Variants in RPS6KC1 observed in about 807,000 individuals in gnomAD.
The protein encoded by RPS6KC1 is inactive ribosomal protein S6 kinase delta-1.
In RPS6KC1, 54 loss-of-function variants were observed where a neutral mutation model predicts 103.8. That is an observed-to-expected ratio of 0.52 (90% CI 0.42 to 0.65). The LOEUF is 0.65. RPS6KC1 is among the 30% of genes least tolerant of loss of function. RPS6KC1 has a pLI of 0.00. For missense variants in RPS6KC1, 1,151 were observed against 1,253.8 expected (o/e 0.92, Z 1.24); for synonymous variants, 439 against 438.7 (o/e 1.00, Z -0.01).
chr1:213,628,487 T>G, the RPS6KC1 span, among the ~76,000 whole-genome samples: 1 of 152,172 alleles, frequency 6.6e-6, no homozygotes, highest in Admixed American at 6.6e-5. Flanking sequence ...TCTTTCTTTT[T>G]AAATTATACT....
the RPS6KC1 span, among the ~76,000 whole-genome samples, chr1:213,586,243 T>A: frequency 6.6e-6 from 1 of 152,218 alleles, no homozygotes; most frequent in Non-Finnish European, 1.5e-5. Context: ...CCGGGATGAC[T>A]GATGTCTTTT....
intron 8 of RPS6KC1, among the ~76,000 whole-genome samples, chr1:213,220,331 C>A (rs1477008298): frequency 6.6e-6 from 1 of 151,990 alleles, no homozygotes; most frequent in Non-Finnish European, 1.5e-5. Context: ...CATCTGTTGC[C>A]ATTTTATGTT....
the RPS6KC1 span, among the ~76,000 whole-genome samples, chr1:213,669,829 A>G: frequency 2.6e-5 from 4 of 152,148 alleles, no homozygotes; most frequent in African/African-American, 7.2e-5. Context: ...CCAGAATTCA[A>G]TTCTTCTAAC....
chr1:213,082,150 G>T (rs1397441462), intron 3 of RPS6KC1, among the ~76,000 whole-genome samples: 8 of 152,140 alleles, frequency 5.3e-5, no homozygotes, highest in Non-Finnish European at 1.2e-4. Context: ...GCCCGGCACG[G>T]TGGCTCATGC....
chr1:213,263,425 C>G (rs1243438131), intron 14 of RPS6KC1, among the ~76,000 whole-genome samples: 1 of 152,150 alleles, frequency 6.6e-6, no homozygotes, highest in Non-Finnish European at 1.5e-5. Context: ...AATTACTCTT[C>G]TAGTTTCGTG....
chr1:213,186,875 T>C (rs1013365352), intron 8 of RPS6KC1, among the ~76,000 whole-genome samples: 2 of 152,210 alleles, frequency 1.3e-5, no homozygotes, highest in African/African-American at 4.8e-5. Flanking sequence ...GTTCTTCAGT[T>C]CAGCAAATGT....
the RPS6KC1 span, among the ~76,000 whole-genome samples, chr1:213,617,860 C>T: frequency 2.6e-5 from 4 of 152,192 alleles, no homozygotes; most frequent in Non-Finnish European, 4.4e-5. Context: ...ATTGCTCTAG[C>T]TCTATGTCTC....
chr1:213,717,749 A>G, the RPS6KC1 span, among the ~76,000 whole-genome samples: 2 of 152,242 alleles, frequency 1.3e-5, no homozygotes, highest in Non-Finnish European at 2.9e-5. Context: ...CAAGCACTCA[A>G]TAAATATTTA....
chr1:213,092,555 C>T (rs1198938196), intron 3 of RPS6KC1, among the ~76,000 whole-genome samples: 1 of 151,914 alleles, frequency 6.6e-6, no homozygotes, highest in Non-Finnish European at 1.5e-5. Context: ...ACCTGAAGTC[C>T]CAGCTACTCA....
chr1:213,860,968 C>G, the RPS6KC1 span, among the ~76,000 whole-genome samples: 1 of 151,936 alleles, frequency 6.6e-6, no homozygotes, highest in South Asian at 2.1e-4. Context: ...ACCAACATAC[C>G]CTGCTAATTT....
At chr1:213,324,593 C>CATTTTT in the RPS6KC1 span, among the ~76,000 whole-genome samples, 1 of 81,822 alleles carries the variant, frequency 1.2e-5, no homozygotes, top group African/African-American at 4.0e-5. Context: ...GCTCGATATG[C>CATTTTT]TTTTTTTTTT....
the RPS6KC1 span, among the ~76,000 whole-genome samples, chr1:213,724,082 C>A: frequency 1.3e-5 from 2 of 152,050 alleles, no homozygotes; most frequent in Non-Finnish European, 2.9e-5. Context: ...CTGTGGATTT[C>A]TTTTTCATTT....
the RPS6KC1 span, among the ~76,000 whole-genome samples, chr1:213,478,617 G>A: frequency 2.6e-5 from 4 of 152,090 alleles, no homozygotes; most frequent in Non-Finnish European, 4.4e-5. Context: ...TATGTATGAT[G>A]CTAAGCATCT....
the RPS6KC1 span, among the ~76,000 whole-genome samples, chr1:213,550,132 G>A: frequency 6.6e-6 from 1 of 152,154 alleles, no homozygotes; most frequent in African/African-American, 2.4e-5. Flanking sequence ...TAGGACCTAT[G>A]GCACCAAAGC....
chr1:213,549,219 A>AGGCAGGGACCCCTCAAGCAATGGATC, the RPS6KC1 span, among the ~76,000 whole-genome samples: 1 of 152,144 alleles, frequency 6.6e-6, no homozygotes. Flanking sequence ...GGGGTGCAGA[A>AGGCAGGGACCCCTCAAGCAATGGATC]GGCAGGGACC....
At chr1:213,580,099 G>A in the RPS6KC1 span, among the ~76,000 whole-genome samples, 7 of 152,066 alleles carry the variant, frequency 4.6e-5, 1 homozygote, top group African/African-American at 1.7e-4. Flanking sequence ...ATGGCTCTGG[G>A]CAAAATAAAT....
intron 3 of RPS6KC1, among the ~76,000 whole-genome samples, chr1:213,085,748 G>C (rs1384921330): frequency 6.6e-6 from 1 of 151,880 alleles, no homozygotes; most frequent in Non-Finnish European, 1.5e-5. Context: ...TTGTATCCAT[G>C]AATCTGTCCA....
chr1:213,804,018 A>G, the RPS6KC1 span, among the ~76,000 whole-genome samples: 1 of 151,706 alleles, frequency 6.6e-6, no homozygotes, highest in African/African-American at 2.4e-5. Flanking sequence ...GTAAATGACA[A>G]GTTAATGGGT....
intron 3 of RPS6KC1, among the ~76,000 whole-genome samples, chr1:213,100,582 T>C (rs1278615967): frequency 6.6e-6 from 1 of 152,152 alleles, no homozygotes; most frequent in African/African-American, 2.4e-5. Context: ...GTTATCTCCT[T>C]CTTTCCATCC....
Sources: allele counts gnomAD v4.1 joint callset (sites outside exome capture counted in the v4.1 genomes callset), GRCh38; gene constraint gnomAD v4.1.1; transcripts MANE v1.5; gene names NCBI Gene and HGNC (gene_info 2026-07-23, HGNC 2026-07-21).